PPP1R12B: variants seen among roughly 807,000 people sequenced by gnomAD.
The protein encoded by PPP1R12B is myosin phosphatase target subunit 2.
A neutral mutation model predicts 126.1 loss-of-function variants in PPP1R12B; 76 were observed. That is an observed-to-expected ratio of 0.60 (90% confidence interval 0.50 to 0.73). The LOEUF (loss-of-function observed/expected upper bound fraction) is 0.73. Among genes scored for constraint, PPP1R12B ranks in the 30% least tolerant of loss-of-function variants. The pLI, the probability that PPP1R12B is intolerant of heterozygous loss-of-function variation, is 0.00. For missense variants in PPP1R12B, 1,052 were observed against 1,205.1 expected (o/e 0.87, Z 1.88); for synonymous variants, 356 against 434.7 (o/e 0.82, Z 2.25).
chr1:202,460,993 G>A (rs1350049117), intron 13 of PPP1R12B, among the ~76,000 whole-genome samples: 1 of 151,990 alleles, frequency 6.6e-6, no homozygotes, highest in Non-Finnish European at 1.5e-5. Flanking sequence ...TGCTGCCTGA[G>A]AGATGAGGCT....
intron 1 of PPP1R12B, among the ~76,000 whole-genome samples, chr1:202,352,217 AT>A (rs1656151954): frequency 6.6e-6 from 1 of 152,204 alleles, no homozygotes. Context: ...GGCCAGGAAT[AT>A]TTGTTAATAA....
rs544507932 is a variant in PPP1R12B, at chr1:202,422,077, A to C, written c.423-543A>C. On this transcript the variant is annotated intron_variant, in intron 2 of 23. Transcript: ENST00000608999. Reference sequence around the variant, plus strand: ...TATCAGACCTTTCTTCTTCAGAATCAAGTATTCTATTTGGATTTAGAATTT... The same window carrying C: ...TATCAGACCTTTCTTCTTCAGAATCCAGTATTCTATTTGGATTTAGAATTT... Among the ~76,000 whole-genome samples, 6 of 152,350 alleles carry C rather than the reference A, an allele frequency of 3.9e-5. No homozygotes were observed. In the South Asian group the frequency reaches 1.2e-3, roughly 32 times the overall value.
chr1:202,442,785 A>G (rs747966523), intron 12 of PPP1R12B, among the ~76,000 whole-genome samples: 3 of 152,090 alleles, frequency 2.0e-5, no homozygotes, highest in Non-Finnish European at 2.9e-5. Context: ...CTCACTACAG[A>G]TCTGGCTTTA....
intron 1 of PPP1R12B, among the ~76,000 whole-genome samples, chr1:202,352,996 T>A (rs1011460301): frequency 6.6e-6 from 1 of 152,200 alleles, no homozygotes; most frequent in African/African-American, 2.4e-5. Flanking sequence ...TGAATAAGCC[T>A]TTGTCATTCT....
chr1:202,575,100 G>A (rs149294288), intron 23 of PPP1R12B: 42 of 1,613,796 alleles, frequency 2.6e-5, no homozygotes, highest in African/African-American at 9.3e-5. Flanking sequence ...CCAGACTCTC[G>A]GAGTCCATCG....
Position 202,527,354 on chromosome 1 carries a change from C to G in PPP1R12B, c.2490+30532C>G, listed in dbSNP as rs1683452364. ...TAAAGCAACACATAGAACAATTGAG[C>G]TGCATACATAACCAGGGCATCTACT... On this transcript the variant is annotated intron_variant, in intron 18 of 23. Coordinates refer to ENST00000608999, the MANE Select transcript of PPP1R12B (RefSeq NM_002481.4). 5 of 152,268 alleles carry G rather than the reference C, an allele frequency of 3.3e-5. No individual in the cohort carries two copies. The South Asian group carries it at 1.0e-3, about 32-fold the overall frequency. 9.4% of individuals were successfully genotyped at this position (152,268 alleles called of 1,614,324 possible). A position where few individuals can be genotyped will look rare whatever the true frequency, so the allele number is the denominator to read the frequency against.
chr1:202,368,922 T>A (rs1469093279), intron 1 of PPP1R12B, among the ~76,000 whole-genome samples: 1 of 152,046 alleles, frequency 6.6e-6, no homozygotes, highest in Non-Finnish European at 1.5e-5. Flanking sequence ...ACAGATGAGG[T>A]CTCTCTATGT....
chr1:202,451,705 G>T (rs1010869024), intron 13 of PPP1R12B, among the ~76,000 whole-genome samples: 2 of 152,108 alleles, frequency 1.3e-5, no homozygotes, highest in African/African-American at 4.8e-5. Context: ...CAGACGGGGT[G>T]GTGGCCGGGC....
intron 18 of PPP1R12B, among the ~76,000 whole-genome samples, chr1:202,507,270 A>G (rs1191172032): frequency 1.3e-5 from 2 of 152,202 alleles, no homozygotes; most frequent in African/African-American, 4.8e-5. Flanking sequence ...TGATGCATCC[A>G]AATCTCTGAC....
chr1:202,525,040 G>A (rs1683173279), intron 18 of PPP1R12B, among the ~76,000 whole-genome samples: 1 of 151,866 alleles, frequency 6.6e-6, no homozygotes, highest in Non-Finnish European at 1.5e-5. Context: ...CACCACACCC[G>A]GCTAATTTTT....
At chr1:202,350,676 A>G (rs1655787064) in intron 1 of PPP1R12B, among the ~76,000 whole-genome samples, 1 of 150,628 alleles carries the variant, frequency 6.6e-6, no homozygotes, top group South Asian at 2.1e-4. Context: ...GCTGGAGTGC[A>G]ATGGCGAGAT....
chr1:202,412,445 C>T (rs561574283), intron 1 of PPP1R12B, among the ~76,000 whole-genome samples: 1 of 152,316 alleles, frequency 6.6e-6, no homozygotes, highest in Admixed American at 6.5e-5. Context: ...CGTTTGATAC[C>T]TGGACTAGCT....
rs569745330 is a variant in PPP1R12B at position 202,438,860 on chromosome 1, C to G, written c.1458+836C>G. On this transcript the variant is annotated intron_variant, in intron 10 of 23. Coordinates refer to ENST00000608999, the MANE Select transcript of PPP1R12B (RefSeq NM_002481.4). ...CGGCCATGGTCACTGCTGACTCCAT[C>G]TACTGCTATAGCCCCCAGGGCAGGA... The G allele has an allele frequency of 1.1e-4, 135 of 1,198,074 alleles. No individual in the cohort carries two copies. In the African/African-American group the frequency reaches 1.6e-3, roughly 14 times the overall value. 74.2% of individuals were successfully genotyped at this position (1,198,074 alleles called of 1,614,324 possible). A position where few individuals can be genotyped will look rare whatever the true frequency, so the allele number is the denominator to read the frequency against.
At chr1:202,409,853 G>A (rs1458090352) in intron 1 of PPP1R12B, among the ~76,000 whole-genome samples, 1 of 152,070 alleles carries the variant, frequency 6.6e-6, no homozygotes, top group Admixed American at 6.5e-5. Context: ...GGTATGAGGT[G>A]CTATCTCATT....
intron 1 of PPP1R12B, among the ~76,000 whole-genome samples, chr1:202,386,852 C>A (rs577557341): frequency 7.9e-5 from 12 of 151,490 alleles, no homozygotes; most frequent in African/African-American, 2.9e-4. Flanking sequence ...GGTATATTTT[C>A]GCCTAAGGAC....
chr1:202,523,363 T>G (rs1682977166), intron 18 of PPP1R12B, among the ~76,000 whole-genome samples: 1 of 152,200 alleles, frequency 6.6e-6, no homozygotes, highest in African/African-American at 2.4e-5. Context: ...ATGGAGAAAG[T>G]ACAGGTTGTA....
intron 19 of PPP1R12B, 139 bp from the exon 20 acceptor site, chr1:202,562,639 G>C (rs1202645405): frequency 1.0e-6 from 1 of 995,688 alleles, no homozygotes; most frequent in Non-Finnish European, 1.6e-6. Flanking sequence ...AGAGATTGAA[G>C]GAAAGAATGT....
intron 1 of PPP1R12B, among the ~76,000 whole-genome samples, chr1:202,357,320 A>G (rs1023189202): frequency 3.9e-5 from 6 of 152,200 alleles, no homozygotes; most frequent in African/African-American, 7.2e-5. Flanking sequence ...AATTGAGGAG[A>G]AGGCCTGTAA....
intron 13 of PPP1R12B, among the ~76,000 whole-genome samples, chr1:202,484,800 C>T (rs12042669): frequency 0.44 from 67,506 of 151,870 alleles, 16,095 homozygotes; most frequent in East Asian, 0.71. Flanking sequence ...CCCAAACACT[C>T]TGAATATATC....
Sources: allele counts gnomAD v4.1 joint callset (sites outside exome capture counted in the v4.1 genomes callset), GRCh38; gene constraint gnomAD v4.1.1; transcripts MANE v1.5; gene names NCBI Gene and HGNC (gene_info 2026-07-23, HGNC 2026-07-21).